The following PLIN1 variants were observed in gnomAD, a reference collection of about 807,000 sequenced individuals.
PLIN1 encodes perilipin 1.
PLIN1 carries 37 observed loss-of-function variants against 45.8 expected under a neutral mutation model. The ratio of observed to expected loss-of-function variants is 0.81; its 90% CI spans 0.62 to 1.06. The LOEUF is 1.06. Among genes scored for constraint, PLIN1 ranks in the 50% least tolerant of loss-of-function variants. The pLI, the probability that PLIN1 is intolerant of heterozygous loss-of-function variation, is 0.00. For missense variants in PLIN1, 776 were observed against 716.5 expected, an observed-to-expected ratio of 1.08 and a Z score of -0.95; for synonymous variants, 340 against 309.2, an observed-to-expected ratio of 1.10 and a Z score of -1.05.
Position 89,665,263 on chromosome 15 carries a change from T to C in PLIN1, c.*320A>G, listed in dbSNP as rs1964312428. The C allele has an allele frequency of 7.7e-6, 2 of 260,582 alleles. No homozygotes were observed. The highest frequency in any genetic ancestry group is 1.5e-5 in the Non-Finnish European group (2 of 135,024). 16.1% of individuals were successfully genotyped at this position (260,582 alleles called of 1,614,324 possible). On this transcript the variant is annotated 3_prime_UTR_variant, in exon 9 of 9. Transcript: ENST00000300055. The stretch of plus-strand genomic sequence containing the variant: ...ATTTTGGAAACGGTCAAATATCTTT[T>C]GGCCACAAGTTTGGTTAAAGAGATG...
intron 6 of PLIN1, among the ~76,000 whole-genome samples, chr15:89,668,997 G>C (rs1254483043): frequency 6.6e-6 from 1 of 151,870 alleles, no homozygotes; most frequent in African/African-American, 2.4e-5. Context: ...GGTGGGGAGT[G>C]GTGGGGAGTT....
intron 3 of PLIN1, among the ~76,000 whole-genome samples, 161 bp downstream of exon 3, chr15:89,673,049 C>T (rs144718892): frequency 5.8e-4 from 89 of 152,364 alleles, no homozygotes; most frequent in African/African-American, 2.0e-3. Context: ...TGTATGTATA[C>T]CTTTATAGCC....
At chr15:89,677,707 C>T (rs895753723) in intron 1 of PLIN1, 7 of 619,408 alleles carry the variant, frequency 1.1e-5, no homozygotes, top group African/African-American at 1.1e-4. Flanking sequence ...TGCTCCATAG[C>T]TTACTTGTCA....
chr15:89,677,258 C>T (rs1463066670), intron 2 of PLIN1, 187 bp downstream of exon 2: 2 of 651,800 alleles, frequency 3.1e-6, no homozygotes, highest in East Asian at 2.5e-5. Flanking sequence ...TTTTTTTCCC[C>T]TCCCAGATCC....
intron 2 of PLIN1, chr15:89,677,212 C>A: frequency 1.7e-6 from 1 of 585,806 alleles, no homozygotes; most frequent in South Asian, 2.0e-5. Context: ...GATTTCTGTC[C>A]CTTTTTTTCA....
At chr15:89,668,038 CAT>C (rs766566841) in intron 6 of PLIN1, among the ~76,000 whole-genome samples, 2 of 152,216 alleles carry the variant, frequency 1.3e-5, no homozygotes, top group Admixed American at 6.5e-5. Context: ...CAGATCAAGA[CAT>C]AGACCATTTT....
In PLIN1 at chr15:89,670,212, G is replaced by C. The variant is rs770813424; in HGVS notation, c.366C>G (p.Thr122=). Residue 122 remains threonine, a synonymous_variant, in exon 5 of 9, where the codon ACC becomes ACG. Coordinates refer to ENST00000300055, the MANE Select transcript of PLIN1 (RefSeq NM_002666.5). ...TGCTGTTTCTGGCACTGCGGAGGCG[G>C]GTGGAGATGGTGTCCTTCAGCTCAG... ...IASELKDTIS[T]RLRSARNSIS... The C allele has an allele frequency of 5.0e-6, 8 of 1,613,342 alleles. No homozygotes were observed. In the Admixed American group the frequency reaches 8.3e-5, roughly 17 times the overall value.
intron 2 of PLIN1, chr15:89,676,602 T>A (rs1173362069): frequency 1.3e-5 from 2 of 152,214 alleles, no homozygotes; most frequent in African/African-American, 2.4e-5. Flanking sequence ...AGAAATAGAC[T>A]ATGACTATAA....
intron 2 of PLIN1, among the ~76,000 whole-genome samples, chr15:89,675,361 C>G (rs992093141): frequency 7.1e-6 from 1 of 141,402 alleles, no homozygotes; most frequent in Non-Finnish European, 1.5e-5. Flanking sequence ...AATCCCAACA[C>G]TTTGGGAGGC....
rs533908759 is a variant in PLIN1 at position 89,664,516 on chromosome 15, G to C, written c.*1067C>G. 9 of 179,140 alleles carry C rather than the reference G, an allele frequency of 5.0e-5. No homozygotes were observed. The highest frequency in any genetic ancestry group is 1.1e-4 in the Admixed American group (2 of 17,498). 11.1% of individuals were successfully genotyped at this position (179,140 alleles called of 1,614,324 possible). A position where few individuals can be genotyped will look rare whatever the true frequency, so the allele number is the denominator to read the frequency against. On this transcript the variant is annotated 3_prime_UTR_variant, in exon 9 of 9. Coordinates refer to ENST00000300055, the MANE Select transcript of PLIN1 (RefSeq NM_002666.5). Reference sequence around the variant, plus strand: ...GTAGTTATTATGTGGCCATCAAAAAGAGCGAGTGGGATTTATAATGTGATA... The same window carrying C: ...GTAGTTATTATGTGGCCATCAAAAACAGCGAGTGGGATTTATAATGTGATA...
chr15:89,671,089 T>C lies in PLIN1; in HGVS notation c.333+393A>G, dbSNP rs1460961875. On this transcript the variant is annotated intron_variant, in intron 4 of 8. Transcript: ENST00000300055. ...ATCTCATGGTCCATAAAAGGTTGGA[T>C]CTTGAGGATATGGGATGACACTCCT... is the stretch of plus-strand genomic sequence containing the variant. Among the ~76,000 whole-genome samples the C allele has an allele frequency of 2.0e-5, 3 of 152,144 alleles. No individual in the cohort carries two copies. In the South Asian group the frequency reaches 6.2e-4, roughly 31 times the overall value.
chr15:89,669,362 G>C, intron 6 of PLIN1, 138 bp downstream of exon 6: 1 of 794,992 alleles, frequency 1.3e-6, no homozygotes, highest in South Asian at 1.4e-5. Flanking sequence ...AGTCCTCTTA[G>C]AACTGAAGCC....
chr15:89,664,712 C>T lies in PLIN1; in HGVS notation c.*871G>A, dbSNP rs888442125. The T allele has an allele frequency of 2.6e-6, 1 of 391,814 alleles. No individual in the cohort carries two copies. The highest frequency in any genetic ancestry group is 2.8e-5 in the Admixed American group (1 of 35,876). 24.3% of individuals were successfully genotyped at this position (391,814 alleles called of 1,614,324 possible). A position where few individuals can be genotyped will look rare whatever the true frequency, so the allele number is the denominator to read the frequency against. On this transcript the variant is annotated 3_prime_UTR_variant, in exon 9 of 9. Transcript: ENST00000300055. ...TTTTCAATGAAGGGGAACAGGGGAG[C>T]TCGGGGAGAAAGACACACATCCTTT...
Position 89,667,076 on chromosome 15 carries a change from C to G in PLIN1, c.1069G>C (p.Val357Leu), listed in dbSNP as rs368908481. ...ISAVTWAPAA[V>L]LGMAGRVLHL... ...AGCACCCTCCCTGCCATGCCCAGCA[C>G]AGCTGCAGGTGCCCATGTCACAGCC... Residue 357 changes from valine (V) to leucine (L), a missense_variant, in exon 8 of 9, where the codon GTG (valine) becomes CTG (leucine). Physicochemically the swap from Val to Leu is conservative, Grantham distance 32. Transcript: ENST00000300055. 5.0e-6 allele frequency: 8 copies of G among 1,614,146 alleles called. No homozygotes were observed. The South Asian group carries it at 8.8e-5, about 18-fold the overall frequency.
intron 6 of PLIN1, 71 bp downstream of exon 6, chr15:89,669,429 G>A (rs1964399870): frequency 8.1e-7 from 1 of 1,237,422 alleles, no homozygotes; most frequent in Admixed American, 1.7e-5. Flanking sequence ...ATGGGTGGGG[G>A]ATGGGAGGGA....
intron 2 of PLIN1, chr15:89,677,032 G>A (rs954224774): frequency 6.7e-5 from 18 of 269,050 alleles, no homozygotes; most frequent in Middle Eastern, 1.3e-3. Context: ...GCTGTGCACC[G>A]TCTAACTCCG....
At chr15:89,678,446 G>T (rs1352518323) in intron 1 of PLIN1, among the ~76,000 whole-genome samples, 1 of 151,884 alleles carries the variant, frequency 6.6e-6, no homozygotes, top group Non-Finnish European at 1.5e-5. Flanking sequence ...AGAGGTGGAG[G>T]TTGCAGTGAG....
intron 3 of PLIN1, among the ~76,000 whole-genome samples, chr15:89,672,574 C>T (rs1049510202): frequency 2.6e-5 from 4 of 152,196 alleles, no homozygotes; most frequent in Non-Finnish European, 4.4e-5. Flanking sequence ...GTGGAAGGTA[C>T]CAGACTTTTT....
At position 89,664,808 on chromosome 15, in the gene PLIN1, T is replaced by C; in HGVS notation, c.*775A>G. On this transcript the variant is annotated 3_prime_UTR_variant, in exon 9 of 9. Transcript: ENST00000300055. ...TATCAAATATTAACATTTCGAAGACTAGGGTTGGGGATGAACTGTGGCTAT... is the reference window on the plus strand; with the variant it reads ...TATCAAATATTAACATTTCGAAGACCAGGGTTGGGGATGAACTGTGGCTAT... 2.3e-6 allele frequency: 1 copy of C among 443,464 alleles called. No individual in the cohort carries two copies. Among genetic ancestry groups the C allele is most frequent in the South Asian group, 1.6e-5 (1 of 61,960 alleles). 27.5% of individuals were successfully genotyped at this position (443,464 alleles called of 1,614,324 possible).
Sources: gnomAD v4.1 joint callset for allele counts (sites outside exome capture counted in the v4.1 genomes callset) on GRCh38, gnomAD v4.1.1 for gene constraint, MANE v1.5 for transcripts, NCBI Gene and HGNC (gene_info 2026-07-23, HGNC 2026-07-21) for gene names.